MMP16: variants seen among roughly 807,000 people sequenced by gnomAD.
MMP16 encodes the protein matrix metalloproteinase-16.
Under a neutral mutation model 67.8 loss-of-function variants are expected in MMP16, and 12 were observed. The observed-to-expected ratio is 0.18, with a 90% CI of 0.11 to 0.29. The LOEUF (loss-of-function observed/expected upper bound fraction) is 0.29. MMP16 is among the 10% of genes least tolerant of loss of function. The pLI is 1.00. For missense variants in MMP16, 475 were observed against 765.7 expected, an observed-to-expected ratio of 0.62 and a Z score of 4.48; for synonymous variants, 249 against 255.9, an observed-to-expected ratio of 0.97 and a Z score of 0.26.
intron 1 of MMP16, among the ~76,000 whole-genome samples, chr8:88,223,670 C>A (rs922587258): frequency 8.2e-6 from 1 of 121,952 alleles, no homozygotes; most frequent in Non-Finnish European, 1.6e-5. Context: ...GGGTGCAGAA[C>A]ATCACACACT....
chr8:88,300,825 C>CT (rs28986480), intron 1 of MMP16, among the ~76,000 whole-genome samples: 7 of 150,798 alleles, frequency 4.6e-5, no homozygotes, highest in Non-Finnish European at 7.4e-5. Flanking sequence ...AGGAAAGGCC[C>CT]TTTTTTTTTA....
chr8:88,127,879 C>G (rs959650069), intron 4 of MMP16, among the ~76,000 whole-genome samples: 1 of 151,804 alleles, frequency 6.6e-6, no homozygotes, highest in Non-Finnish European at 1.5e-5. Flanking sequence ...CTTTCAAGCA[C>G]TTTGCTGATG....
At chr8:88,088,024 T>TTA (rs1413919333) in intron 6 of MMP16, among the ~76,000 whole-genome samples, 1 of 115,212 alleles carries the variant, frequency 8.7e-6, no homozygotes, top group Non-Finnish European at 1.9e-5. Flanking sequence ...TGTATCTATA[T>TTA]TATATATATA....
chr8:88,278,868 T>G (rs911941345), intron 1 of MMP16, among the ~76,000 whole-genome samples: 5 of 152,118 alleles, frequency 3.3e-5, no homozygotes, highest in African/African-American at 1.2e-4. Context: ...ATAAATAACA[T>G]AGCTACATAA....
chr8:88,301,367 A>C (rs1018846721), intron 1 of MMP16, among the ~76,000 whole-genome samples: 1 of 152,202 alleles, frequency 6.6e-6, no homozygotes, highest in Non-Finnish European at 1.5e-5. Flanking sequence ...CTGAAGTTTA[A>C]CTGTCTGACC....
intron 1 of MMP16, among the ~76,000 whole-genome samples, chr8:88,286,114 T>C (rs546612844): frequency 1.3e-3 from 195 of 152,270 alleles, no homozygotes; most frequent in Non-Finnish European, 2.4e-3. Context: ...TGATCAACTG[T>C]TCACCACTCC....
chr8:88,043,573 G>T (rs1343716013), intron 9 of MMP16, among the ~76,000 whole-genome samples: 4 of 152,180 alleles, frequency 2.6e-5, no homozygotes, highest in Admixed American at 2.6e-4. Context: ...GGGTGTGATA[G>T]ATAGGTATCA....
chr8:88,194,973 T>C (rs142968419), intron 2 of MMP16, among the ~76,000 whole-genome samples: 1 of 152,196 alleles, frequency 6.6e-6, no homozygotes, highest in Non-Finnish European at 1.5e-5. Context: ...AAATGCTACT[T>C]TAACTCCCAC....
intron 1 of MMP16, among the ~76,000 whole-genome samples, chr8:88,198,434 C>T (rs1034856194): frequency 6.6e-6 from 1 of 152,070 alleles, no homozygotes; most frequent in East Asian, 1.9e-4. Flanking sequence ...CCCTTCCTAC[C>T]TCAGTCTATT....
intron 1 of MMP16, among the ~76,000 whole-genome samples, chr8:88,214,705 T>C (rs1469560203): frequency 1.3e-5 from 2 of 152,202 alleles, no homozygotes; most frequent in African/African-American, 4.8e-5. Context: ...TAACTATAGT[T>C]ATCATGTTGT....
At chr8:88,045,323 A>G (rs988586043) in intron 9 of MMP16, among the ~76,000 whole-genome samples, 1 of 151,968 alleles carries the variant, frequency 6.6e-6, no homozygotes, top group African/African-American at 2.4e-5. Flanking sequence ...AGTTTATACT[A>G]GTATAGAGTT....
chr8:88,072,748 C>T (rs1808580267), intron 7 of MMP16, among the ~76,000 whole-genome samples: 1 of 152,130 alleles, frequency 6.6e-6, no homozygotes, highest in Non-Finnish European at 1.5e-5. Flanking sequence ...AAATGATACG[C>T]AGGAAAATAT....
At chr8:88,081,175 G>A (rs1290186952) in intron 6 of MMP16, among the ~76,000 whole-genome samples, 1 of 152,054 alleles carries the variant, frequency 6.6e-6, no homozygotes, top group African/African-American at 2.4e-5. Flanking sequence ...ACGTCAAAAG[G>A]TTTACCAATT....
chr8:88,327,479 G>A lies in MMP16; in HGVS notation c.-273C>T, dbSNP rs1811560182. On this transcript the variant is annotated 5_prime_UTR_variant, in exon 1 of 10. Coordinates refer to ENST00000286614, the MANE Select transcript of MMP16 (RefSeq NM_005941.5). Reference sequence around the variant, plus strand: ...GGCGCCTAAGTTCACCGGCGGTTCCGGCTCAAAGAGCCTAGTCGCAGCCGC... The same window carrying A: ...GGCGCCTAAGTTCACCGGCGGTTCCAGCTCAAAGAGCCTAGTCGCAGCCGC... 6.5e-6 allele frequency: 3 copies of A among 458,030 alleles called. No homozygotes were observed. The highest frequency in any genetic ancestry group is 5.9e-5 in the South Asian group (3 of 51,282). 28.4% of individuals were successfully genotyped at this position (458,030 alleles called of 1,614,324 possible). A position where few individuals can be genotyped will look rare whatever the true frequency, so the allele number is the denominator to read the frequency against.
At chr8:88,215,760 T>G (rs1027390332) in intron 1 of MMP16, among the ~76,000 whole-genome samples, 2 of 152,226 alleles carry the variant, frequency 1.3e-5, no homozygotes, top group Non-Finnish European at 1.5e-5. Context: ...TAACTGCCCC[T>G]AAATCTCAGG....
At chr8:88,171,951 C>T (rs1233358067) in intron 3 of MMP16, among the ~76,000 whole-genome samples, 2 of 151,866 alleles carry the variant, frequency 1.3e-5, no homozygotes, top group African/African-American at 4.8e-5. Flanking sequence ...CTCAGCCTCC[C>T]GAGTAGCTGA....
In MMP16 at chr8:88,103,943, G is replaced by T. The variant is rs1249066253; in HGVS notation, c.1083+12564C>A. On this transcript the variant is annotated intron_variant, in intron 6 of 9. Coordinates refer to ENST00000286614, the MANE Select transcript of MMP16 (RefSeq NM_005941.5). ...CTTACCTAATTGGACACCTTTGCTA[G>T]CCAGGTTAAATTATATTATTGAAAC... 2.6e-5 allele frequency among the ~76,000 whole-genome samples: 4 copies of T among 151,716 alleles called. No individual in the cohort carries two copies. In the East Asian group the frequency reaches 7.8e-4, roughly 30 times the overall value.
intron 4 of MMP16, among the ~76,000 whole-genome samples, chr8:88,120,119 A>G (rs1021506180): frequency 6.6e-6 from 1 of 151,992 alleles, no homozygotes; most frequent in Non-Finnish European, 1.5e-5. Flanking sequence ...CTACCTGATT[A>G]AAAATACTAA....
At chr8:88,200,186 T>A (rs1471026607) in intron 1 of MMP16, among the ~76,000 whole-genome samples, 1 of 151,892 alleles carries the variant, frequency 6.6e-6, no homozygotes, top group Non-Finnish European at 1.5e-5. Context: ...ACAAACAACA[T>A]GGGGTAAGGA....
Sources: allele counts gnomAD v4.1 joint callset (sites outside exome capture counted in the v4.1 genomes callset), GRCh38; gene constraint gnomAD v4.1.1; transcripts MANE v1.5; gene names NCBI Gene and HGNC (gene_info 2026-07-23, HGNC 2026-07-21).